The following PLCE1 variants were observed in gnomAD, a reference collection of about 807,000 sequenced individuals.
The protein encoded by PLCE1 is 1-phosphatidylinositol 4,5-bisphosphate phosphodiesterase epsilon-1.
PLCE1 carries 119 observed loss-of-function variants against 242.8 expected under a neutral mutation model. That is an observed-to-expected ratio of 0.49 (90% CI 0.42 to 0.57). The LOEUF (loss-of-function observed/expected upper bound fraction) is 0.57. Among genes scored for constraint, PLCE1 ranks in the 20% least tolerant of loss-of-function variants. The pLI, the probability that PLCE1 is intolerant of heterozygous loss-of-function variation, is 0.00. For missense variants in PLCE1, 2,441 were observed against 2,788.8 expected (o/e 0.88, Z 2.81); for synonymous variants, 945 against 1,017.4 (o/e 0.93, Z 1.35).
chr10:94,223,083 T>G (rs377254550), intron 4 of PLCE1, among the ~76,000 whole-genome samples: 41 of 151,950 alleles, frequency 2.7e-4, no homozygotes, highest in African/African-American at 9.4e-4. Context: ...CAGTGCTGCC[T>G]AAAGGATGAG....
intron 2 of PLCE1, chr10:94,106,007 A>G (rs1217477995): frequency 3.3e-5 from 5 of 152,250 alleles, no homozygotes; most frequent in African/African-American, 9.6e-5. Context: ...CAATTGAGCC[A>G]CAAGTTAAGT....
intron 4 of PLCE1, among the ~76,000 whole-genome samples, chr10:94,198,489 G>A (rs1158584172): frequency 6.6e-6 from 1 of 152,142 alleles, no homozygotes; most frequent in Non-Finnish European, 1.5e-5. Flanking sequence ...TTGGCATGCA[G>A]TTTGAATTTT....
intron 2 of PLCE1, among the ~76,000 whole-genome samples, chr10:94,051,743 G>A (rs557864380): frequency 3.6e-4 from 55 of 152,238 alleles, no homozygotes; most frequent in South Asian, 2.5e-3. Context: ...TCTCATCAAC[G>A]TGATTAAAAT....
chr10:94,120,303 T>C (rs2046261980), intron 2 of PLCE1, among the ~76,000 whole-genome samples: 1 of 152,238 alleles, frequency 6.6e-6, no homozygotes, highest in Admixed American at 6.5e-5. Flanking sequence ...TTGTTGAATA[T>C]GGCTCTACCC....
chr10:94,026,270 T>C lies in PLCE1; in HGVS notation c.-364-4413T>C, dbSNP rs1440030567. The stretch of plus-strand genomic sequence containing the variant: ...AATTCTTGCATCTCCATAGATCGAC[T>C]TCCTGGCCAGTCATTTCTTTAGTCA... On this transcript the variant is annotated intron_variant, in intron 1 of 32. Coordinates refer to ENST00000371380, the MANE Select transcript of PLCE1 (RefSeq NM_016341.4). Among the ~76,000 whole-genome samples the C allele has an allele frequency of 2.6e-5, 4 of 152,272 alleles. No homozygotes were observed. In the East Asian group the frequency reaches 7.7e-4, roughly 29 times the overall value.
At chr10:94,049,589 C>T (rs573849847) in intron 2 of PLCE1, among the ~76,000 whole-genome samples, 1 of 151,042 alleles carries the variant, frequency 6.6e-6, no homozygotes, top group Non-Finnish European at 1.5e-5. Flanking sequence ...GTCTGTCTGT[C>T]TGTCTGTCTG....
At chr10:94,149,389 A>C (rs2047207809) in intron 3 of PLCE1, among the ~76,000 whole-genome samples, 1 of 152,210 alleles carries the variant, frequency 6.6e-6, no homozygotes, top group Non-Finnish European at 1.5e-5. Context: ...AATTTCTGAG[A>C]GCTACGTGCA....
At chr10:94,012,729 C>T (rs1312938227) in intron 1 of PLCE1, among the ~76,000 whole-genome samples, 1 of 152,150 alleles carries the variant, frequency 6.6e-6, no homozygotes, top group South Asian at 2.1e-4. Context: ...TGCACCCCAA[C>T]CTTTTCACAA....
At chr10:94,084,664 C>T (rs2044753000) in intron 2 of PLCE1, among the ~76,000 whole-genome samples, 1 of 152,180 alleles carries the variant, frequency 6.6e-6, no homozygotes, top group Non-Finnish European at 1.5e-5. Context: ...GTCCATACAT[C>T]CCAGCTTTAA....
intron 6 of PLCE1, among the ~76,000 whole-genome samples, chr10:94,234,877 T>C (rs1456577787): frequency 6.6e-6 from 1 of 152,062 alleles, no homozygotes; most frequent in Non-Finnish European, 1.5e-5. Flanking sequence ...CATTGGGCAT[T>C]GGAGAGAAGG....
intron 2 of PLCE1, chr10:94,106,943 T>TCTCTCTCTCTCTCTCTCC (rs1222191133): frequency 2.6e-4 from 32 of 122,520 alleles, no homozygotes; most frequent in African/African-American, 4.9e-4. Context: ...TCTCTCTCTC[T>TCTCTCTCTCTCTCTCTCC]CCCCCTCCCC....
intron 18 of PLCE1, among the ~76,000 whole-genome samples, chr10:94,272,768 T>C (rs2051794674): frequency 6.6e-6 from 1 of 152,100 alleles, no homozygotes; most frequent in African/African-American, 2.4e-5. Context: ...CTTCCTTTAA[T>C]GGTAGAGGCA....
intron 32 of PLCE1, chr10:94,325,609 A>AT (rs2053982357): frequency 1.3e-5 from 2 of 150,124 alleles, no homozygotes; most frequent in South Asian, 4.2e-4. Context: ...AAAAAAAAAA[A>AT]GAAAAAAAAA....
At chr10:94,204,831 G>A (rs1000113052) in intron 4 of PLCE1, among the ~76,000 whole-genome samples, 2 of 151,656 alleles carry the variant, frequency 1.3e-5, no homozygotes, top group South Asian at 2.1e-4. Context: ...AGAAAATGAT[G>A]GTGTCTTCAA....
chr10:94,045,037 G>A (rs1291940739), intron 2 of PLCE1, among the ~76,000 whole-genome samples: 3 of 151,976 alleles, frequency 2.0e-5, no homozygotes, highest in African/African-American at 2.4e-5. Flanking sequence ...GTCTTGCTCT[G>A]TCACCTAGGC....
At chr10:94,159,028 G>A (rs1325122661) in intron 3 of PLCE1, among the ~76,000 whole-genome samples, 3 of 151,630 alleles carry the variant, frequency 2.0e-5, no homozygotes, top group Admixed American at 6.6e-5. Context: ...CGTTTTCACA[G>A]TGAGCATGTT....
chr10:94,098,454 A>G (rs1223265818), intron 2 of PLCE1, among the ~76,000 whole-genome samples: 1 of 152,212 alleles, frequency 6.6e-6, no homozygotes, highest in Non-Finnish European at 1.5e-5. Flanking sequence ...ATAAATAGAG[A>G]CTTCATAAAA....
Position 94,254,251 on chromosome 10 carries a change from A to C in PLCE1, c.3341A>C (p.Glu1114Ala). 1.2e-6 allele frequency: 2 copies of C among 1,614,100 alleles called. No individual in the cohort carries two copies. Among genetic ancestry groups the C allele is most frequent in the Non-Finnish European group, 1.7e-6 (2 of 1,179,972 alleles). ...ACCCGAAAGGCCAAGATGCACAAAG[A>C]GTGTCGAAGCCGGAGTGGTTCTGAT... ...MATRKAKMHK[E>A]CRSRSGSDPQ... The change falls in exon 10 of 33, where the codon GAG becomes GCG. Residue 1114 changes from glutamate to alanine, a missense_variant. Glu to Ala is a moderately radical substitution (Grantham distance 107). Transcript: ENST00000371380.
rs772961752 is a variant in PLCE1 at position 94,327,977 on chromosome 10, T to C, written c.*34T>C. 1.9e-4 allele frequency: 101 copies of C among 532,772 alleles called. 3 individuals carry two copies. Among genetic ancestry groups the C allele is most frequent in the South Asian group, 1.4e-3 (101 of 71,356 alleles). The allele number at this position is 532,772 out of a possible 1,614,324, so 33.0% of individuals were successfully genotyped here. A position where few individuals can be genotyped will look rare whatever the true frequency, so the allele number is the denominator to read the frequency against. On this transcript the variant is annotated 3_prime_UTR_variant, in exon 33 of 33. Coordinates refer to ENST00000371380, the MANE Select transcript of PLCE1 (RefSeq NM_016341.4). ...GTATACAACATTACAGGTGAAGATC[T>C]TTAAGCAAGAAGTTAAAGAGTGAAC...
Sources: gnomAD v4.1 joint callset for allele counts (sites outside exome capture counted in the v4.1 genomes callset) on GRCh38, gnomAD v4.1.1 for gene constraint, MANE v1.5 for transcripts, NCBI Gene and HGNC (gene_info 2026-07-23, HGNC 2026-07-21) for gene names.